The following ANKS3 variants were observed in gnomAD, a reference collection of about 807,000 sequenced individuals.
ANKS3 encodes the protein ankyrin repeat and sterile alpha motif domain containing 3.
ANKS3 carries 62 observed loss-of-function variants against 80.7 expected under a neutral mutation model. That is an observed-to-expected ratio of 0.77 (90% CI 0.63 to 0.95). The LOEUF is 0.95. ANKS3 is among the 40% of genes least tolerant of loss of function. The pLI, the probability that ANKS3 is intolerant of heterozygous loss-of-function variation, is 0.00. For synonymous variants in ANKS3, 489 were observed against 355.3 expected, an observed-to-expected ratio of 1.38 and a Z score of -4.23; for missense variants, 1,150 against 883.6, an observed-to-expected ratio of 1.30 and a Z score of -3.82.
In ANKS3 at chr16:4,700,985, G is replaced by C. The variant is rs142502357; in HGVS notation, c.1269C>G (p.Pro423=). The C allele has an allele frequency of 1.2e-6, 2 of 1,613,874 alleles. No homozygotes were observed. Among genetic ancestry groups the C allele is most frequent in the South Asian group, 2.2e-5 (2 of 91,082 alleles). Residue 423 remains proline, a synonymous_variant, in exon 11 of 18, where the codon CCC becomes CCG. Coordinates refer to ENST00000304283, the MANE Select transcript of ANKS3 (RefSeq NM_133450.4). ...GCGGTCTTACCTGGGGTCCTGAGTAGGGGGCCCTCTGAGTCTGGGGGCTGG... is the reference window on the plus strand; with the variant it reads ...GCGGTCTTACCTGGGGTCCTGAGTACGGGGCCCTCTGAGTCTGGGGGCTGG... ...AESSPQTQRA[P]YSGPQDLAAL...
At chr16:4,700,650 A>C in intron 11 of ANKS3, 1 of 446,082 alleles carries the variant, frequency 2.2e-6, no homozygotes, top group South Asian at 2.0e-5. Flanking sequence ...TCTCTGCTTC[A>C]ACCACATCTT....
intron 16 of ANKS3, 87 bp downstream of exon 16, chr16:4,697,246 C>T: frequency 6.5e-7 from 1 of 1,544,214 alleles, no homozygotes; most frequent in Non-Finnish European, 8.9e-7. Context: ...GGTAGAGAGA[C>T]ACAAACCCGC....
In ANKS3 at chr16:4,714,161, T is replaced by C. The variant is rs148060970; in HGVS notation, c.599A>G (p.His200Arg). Residue 200 changes from histidine to arginine, a missense_variant, in exon 7 of 18, where the codon CAC becomes CGC. By Grantham distance (29) the His-to-Arg change is conservative. Transcript: ENST00000304283. ...CAGCATCCGGGCTGTGGCTCCACTGTGGTCTCTCGCGTCCACCTTGACTCC... is the reference window on the plus strand; with the variant it reads ...CAGCATCCGGGCTGTGGCTCCACTGCGGTCTCTCGCGTCCACCTTGACTCC... ...NHGVKVDARD[H>R]SGATARMLAK... 2 of 1,614,100 alleles carry C rather than the reference T, an allele frequency of 1.2e-6. No homozygotes were observed. Among genetic ancestry groups the C allele is most frequent in the Non-Finnish European group, 1.7e-6 (2 of 1,180,014 alleles).
chr16:4,702,684 G>T (rs543953518), intron 8 of ANKS3, among the ~76,000 whole-genome samples: 1 of 151,998 alleles, frequency 6.6e-6, no homozygotes, highest in Non-Finnish European at 1.5e-5. Context: ...AGTCAACCCC[G>T]GCGAAAAAGA....
chr16:4,696,610 T>C lies in ANKS3; in HGVS notation c.*298A>G, dbSNP rs572033453. 87 of 231,184 alleles carry C rather than the reference T, an allele frequency of 3.8e-4. 1 individual carries two copies. The highest frequency in any genetic ancestry group is 1.3e-3 in the African/African-American group (57 of 43,692). The allele number at this position is 231,184 out of a possible 1,614,324, so 14.3% of individuals were successfully genotyped here. The stretch of plus-strand genomic sequence containing the variant: ...CTCAGTTGGCACCTGTGCGTGTATA[T>C]GGATACACTTTCCCCCCAGGGCCCT... On this transcript the variant is annotated 3_prime_UTR_variant, in exon 18 of 18. Transcript: ENST00000304283.
intron 14 of ANKS3, 34 bp from the exon 15 acceptor site, chr16:4,698,096 A>G (rs1409440991): frequency 6.4e-7 from 1 of 1,568,448 alleles, no homozygotes; most frequent in Admixed American, 1.9e-5. Flanking sequence ...TGGTGAGAGC[A>G]GAGGCCTGGC....
rs892625645 is a variant in ANKS3 at position 4,701,602 on chromosome 16, C to T, written c.1010-59G>A. On this transcript the variant is annotated intron_variant, in intron 9 of 17. Transcript: ENST00000304283. ...CCCTCACCGAGGTGCTGCGCATGGGCGTGCCCCGGGCTGAGCCGCCTCCAC... is the reference window on the plus strand; with the variant it reads ...CCCTCACCGAGGTGCTGCGCATGGGTGTGCCCCGGGCTGAGCCGCCTCCAC... The T allele has an allele frequency of 2.4e-5, 36 of 1,493,372 alleles. No individual in the cohort carries two copies. The East Asian group carries it at 6.7e-4, about 28-fold the overall frequency. The allele number at this position is 1,493,372 out of a possible 1,614,324, so 92.5% of individuals were successfully genotyped here. A position where few individuals can be genotyped will look rare whatever the true frequency, so the allele number is the denominator to read the frequency against.
rs201941428 is a variant in ANKS3 at position 4,705,178 on chromosome 16, C to A, written c.785G>T (p.Gly262Val). 46 of 1,613,910 alleles carry A rather than the reference C, an allele frequency of 2.9e-5. No individual in the cohort carries two copies. In the East Asian group the frequency reaches 9.6e-4, roughly 34 times the overall value. ...TCGCGGTCCCTCGTGGATGCTGACA[C>A]CCTTCTTCCGGCAAGGCCTCTGTCT... ...PQRQRPCRKK[G>V]VSIHEGPRAL... The change falls in exon 8 of 18, where the codon GGT becomes GTT. Residue 262 changes from glycine to valine, a missense_variant. Transcript: ENST00000304283.
At chr16:4,699,218 C>T (rs754567676) in intron 11 of ANKS3, 42 bp from the exon 12 acceptor site, 19 of 1,606,088 alleles carry the variant, frequency 1.2e-5, no homozygotes, top group East Asian at 2.2e-5. Context: ...TAGTGGCTGA[C>T]GACGAAGCAG....
rs774838317 is a variant in ANKS3 at position 4,701,552 on chromosome 16, G to A, written c.1010-9C>T. ...ACAGAAAGCATGTTCCTCTGAGGGC[G>A]GGAAGACAGGGCGTCCGCCTGCAGC... On this transcript the variant is annotated splice_polypyrimidine_tract_variant and intron_variant, in intron 9 of 17. Transcript: ENST00000304283. 33 of 1,603,084 alleles carry A rather than the reference G, an allele frequency of 2.1e-5. No individual in the cohort carries two copies. The highest frequency in any genetic ancestry group is 2.7e-5 in the African/African-American group (2 of 74,724).
rs762498859 is a variant in ANKS3 at position 4,705,285 on chromosome 16, G to A, written c.710-32C>T. On this transcript the variant is annotated intron_variant, in intron 7 of 17. Coordinates refer to ENST00000304283, the MANE Select transcript of ANKS3 (RefSeq NM_133450.4). Reference sequence around the variant, plus strand: ...TCAAACACCAAGATTAAGATAGTGTGTTCAGTAATGGACTCATTTACTAAT... The same window carrying A: ...TCAAACACCAAGATTAAGATAGTGTATTCAGTAATGGACTCATTTACTAAT... 1.4e-5 allele frequency: 22 copies of A among 1,608,884 alleles called. No individual in the cohort carries two copies. The South Asian group carries it at 2.3e-4, about 17-fold the overall frequency.
At chr16:4,701,199 C>T in intron 10 of ANKS3, 65 bp from the exon 11 acceptor site, 8 of 1,596,702 alleles carry the variant, frequency 5.0e-6, no homozygotes, top group Non-Finnish European at 6.0e-6. Context: ...GTGAAACCCC[C>T]ACCCGCCACA....
chr16:4,721,625 G>GATTTATTT (rs55661418), intron 6 of ANKS3, among the ~76,000 whole-genome samples: 4,472 of 145,482 alleles, frequency 0.031, 136 homozygotes, highest in Middle Eastern at 0.062. Context: ...TTGATTTATT[G>GATTTATTT]ATTTATTTAT....
At chr16:4,730,329 C>A in intron 2 of ANKS3, 178 bp from the exon 3 acceptor site, 1 of 500,160 alleles carries the variant, frequency 2.0e-6, no homozygotes, top group Non-Finnish European at 3.2e-6. Flanking sequence ...TGGGCAGTCC[C>A]AACCATGCTA....
intron 6 of ANKS3, chr16:4,714,432 T>C: frequency 1.8e-6 from 1 of 549,224 alleles, no homozygotes; most frequent in Non-Finnish European, 3.2e-6. Flanking sequence ...CCCACGCTCA[T>C]GACCTCCCTT....
intron 8 of ANKS3, among the ~76,000 whole-genome samples, chr16:4,704,801 C>A (rs1321552956): frequency 2.0e-5 from 3 of 152,232 alleles, no homozygotes; most frequent in Non-Finnish European, 4.4e-5. Context: ...TGAATGAAAT[C>A]TGACCTTAGC....
chr16:4,697,492 C>G, intron 15 of ANKS3, 76 bp from the exon 16 acceptor site: 5 of 1,252,046 alleles, frequency 4.0e-6, no homozygotes, highest in Non-Finnish European at 5.5e-6. Context: ...TGAGCCCATG[C>G]AACCAGGAGA....
In ANKS3 at chr16:4,702,143, T is replaced by C; in HGVS notation, c.968A>G (p.Asn323Ser). ...LCCRDVTSPI[N>S]ERDVESSSSS... ...GCTGCTGCTCTCCACATCCCGCTCA[T>C]TGATGGGGGAGGTGACATCCCGGCA... Residue 323 changes from asparagine to serine, a missense_variant, in exon 9 of 18, where the codon AAT (asparagine) becomes AGT (serine). Physicochemically the swap from Asn to Ser is conservative, Grantham distance 46 (BLOSUM62 1). Coordinates refer to ENST00000304283, the MANE Select transcript of ANKS3 (RefSeq NM_133450.4). The C allele has an allele frequency of 6.3e-7, 1 of 1,597,670 alleles. No individual in the cohort carries two copies. The highest frequency in any genetic ancestry group is 2.3e-5 in the East Asian group (1 of 43,604).
chr16:4,701,255 G>C, intron 10 of ANKS3, 121 bp from the exon 11 acceptor site: 2 of 1,496,846 alleles, frequency 1.3e-6, no homozygotes, highest in Non-Finnish European at 9.1e-7. Flanking sequence ...GCCACACAGG[G>C]GCTTCCGGTG....
Sources: gnomAD v4.1 joint callset for allele counts (sites outside exome capture counted in the v4.1 genomes callset) on GRCh38, gnomAD v4.1.1 for gene constraint, MANE v1.5 for transcripts, NCBI Gene and HGNC (gene_info 2026-07-23, HGNC 2026-07-21) for gene names.